Variants in ZNRF3 observed in about 807,000 individuals in gnomAD.
ZNRF3 encodes the protein zinc and ring finger 3.
ZNRF3 carries 23 observed loss-of-function variants against 72.5 expected under a neutral mutation model. That is an observed-to-expected ratio of 0.32 (90% confidence interval 0.23 to 0.45). ZNRF3 has a LOEUF of 0.45. Ranked by LOEUF, ZNRF3 falls within the 20% of genes least tolerant of loss-of-function variation. The pLI is 1.00. For synonymous variants in ZNRF3, 610 were observed against 545.3 expected (o/e 1.12, Z -1.65); for missense variants, 1,169 against 1,272.1 (o/e 0.92, Z 1.23).
Position 29,054,928 on chromosome 22 carries a change from G to A in ZNRF3, c.*1306G>A, listed in dbSNP as rs2037273914. 1 of 152,976 alleles carries A rather than the reference G, an allele frequency of 6.5e-6. No individual in the cohort carries two copies. Among genetic ancestry groups the A allele is most frequent in the South Asian group, 2.1e-4 (1 of 4,824 alleles). 9.5% of individuals were successfully genotyped at this position (152,976 alleles called of 1,614,324 possible). A position where few individuals can be genotyped will look rare whatever the true frequency, so the allele number is the denominator to read the frequency against. The stretch of plus-strand genomic sequence containing the variant: ...GAAATTGCTCATCTCGTCTGCAGAT[G>A]TCTACTATCCTGTCTACCTAATGCA... On this transcript the variant is annotated 3_prime_UTR_variant, in exon 9 of 9. Coordinates refer to ENST00000544604, the MANE Select transcript of ZNRF3 (RefSeq NM_001206998.2).
At chr22:29,009,484 C>T (rs1047812876) in intron 2 of ZNRF3, among the ~76,000 whole-genome samples, 5 of 151,910 alleles carry the variant, frequency 3.3e-5, no homozygotes, top group African/African-American at 9.7e-5. Flanking sequence ...GAGTAGTGCG[C>T]GGTGGAGGGA....
At chr22:28,965,514 C>A (rs1033235816) in intron 1 of ZNRF3, among the ~76,000 whole-genome samples, 16 of 152,198 alleles carry the variant, frequency 1.1e-4, no homozygotes, top group Admixed American at 1.0e-3. Flanking sequence ...GGGTTCTTAA[C>A]CACCCTGCCT....
chr22:28,966,594 T>C (rs1158981219), intron 1 of ZNRF3, among the ~76,000 whole-genome samples: 1 of 152,026 alleles, frequency 6.6e-6, no homozygotes, highest in Non-Finnish European at 1.5e-5. Flanking sequence ...CCTAGGCTAA[T>C]GTGTGTGTCT....
chr22:29,010,545 T>C (rs1305406854), intron 2 of ZNRF3, among the ~76,000 whole-genome samples: 1 of 152,214 alleles, frequency 6.6e-6, no homozygotes, highest in Non-Finnish European at 1.5e-5. Flanking sequence ...TTACTGTAAA[T>C]AATGCTACCA....
At chr22:29,019,981 C>G (rs2036501206) in intron 2 of ZNRF3, among the ~76,000 whole-genome samples, 1 of 151,962 alleles carries the variant, frequency 6.6e-6, no homozygotes, top group Non-Finnish European at 1.5e-5. Context: ...TGTCCCCTCA[C>G]ATTTGTGGGA....
chr22:28,929,344 A>T (rs1012268007), intron 1 of ZNRF3, among the ~76,000 whole-genome samples: 5 of 152,020 alleles, frequency 3.3e-5, no homozygotes, highest in Admixed American at 3.3e-4. Context: ...GAACTGGATA[A>T]TTTTTTTGTT....
At chr22:28,894,158 A>C in intron 1 of ZNRF3, among the ~76,000 whole-genome samples, 1 of 146,904 alleles carries the variant, frequency 6.8e-6, no homozygotes, top group African/African-American at 2.5e-5. Flanking sequence ...GGTTTTTGCC[A>C]TATTGCCAAG....
At chr22:28,889,721 A>G (rs890263474) in intron 1 of ZNRF3, among the ~76,000 whole-genome samples, 1 of 152,232 alleles carries the variant, frequency 6.6e-6, no homozygotes, top group Non-Finnish European at 1.5e-5. Context: ...GGGAGAAGAG[A>G]GAATATAGTC....
At chr22:28,953,831 A>G (rs990139699) in intron 1 of ZNRF3, among the ~76,000 whole-genome samples, 2 of 152,202 alleles carry the variant, frequency 1.3e-5, no homozygotes, top group Admixed American at 1.3e-4. Context: ...TGGAGAGGCC[A>G]TGTAGCATTG....
At chr22:28,928,482 A>G (rs1421294615) in intron 1 of ZNRF3, among the ~76,000 whole-genome samples, 1 of 145,820 alleles carries the variant, frequency 6.9e-6, no homozygotes, top group East Asian at 2.0e-4. Context: ...TGATTGTTCC[A>G]GAAATGTCTT....
intron 1 of ZNRF3, among the ~76,000 whole-genome samples, chr22:28,906,172 T>C (rs955947286): frequency 3.3e-5 from 5 of 152,124 alleles, no homozygotes; most frequent in African/African-American, 1.2e-4. Flanking sequence ...AAAAAGAATT[T>C]AAAAATTAAC....
At chr22:28,896,052 G>A (rs2033988480) in intron 1 of ZNRF3, among the ~76,000 whole-genome samples, 2 of 152,110 alleles carry the variant, frequency 1.3e-5, no homozygotes, top group Non-Finnish European at 2.9e-5. Context: ...CTGGGTTCAA[G>A]CGATTCTCCT....
intron 1 of ZNRF3, among the ~76,000 whole-genome samples, chr22:28,947,625 C>G (rs1302444975): frequency 6.6e-6 from 1 of 152,168 alleles, no homozygotes; most frequent in East Asian, 1.9e-4. Context: ...TGACGTTGAG[C>G]ATCTTTTCAT....
chr22:28,934,553 C>T (rs752548788), intron 1 of ZNRF3, among the ~76,000 whole-genome samples: 1 of 152,186 alleles, frequency 6.6e-6, no homozygotes, highest in Non-Finnish European at 1.5e-5. Context: ...CGCGGTGGCT[C>T]ATTCCTGTAA....
chr22:29,020,763 T>TGTGTGTGTGTGTG (rs1569284145), intron 2 of ZNRF3, among the ~76,000 whole-genome samples: 4 of 66,852 alleles, frequency 6.0e-5, no homozygotes, highest in African/African-American at 1.4e-4. Context: ...GGCTTTGTTT[T>TGTGTGTGTGTGTG]TGTGTGTGTG....
chr22:28,986,411 G>C (rs996455574), intron 1 of ZNRF3, among the ~76,000 whole-genome samples: 2 of 152,170 alleles, frequency 1.3e-5, no homozygotes, highest in Non-Finnish European at 2.9e-5. Context: ...ATAGAACTGT[G>C]AGCACAAACC....
At chr22:28,948,261 C>T (rs549320914) in intron 1 of ZNRF3, among the ~76,000 whole-genome samples, 1 of 151,106 alleles carries the variant, frequency 6.6e-6, no homozygotes, top group African/African-American at 2.4e-5. Flanking sequence ...AATTCCTGGG[C>T]TCAAGTGATC....
chr22:28,995,042 A>G (rs571780391), intron 2 of ZNRF3, among the ~76,000 whole-genome samples: 14 of 152,232 alleles, frequency 9.2e-5, no homozygotes, highest in Non-Finnish European at 2.1e-4. Flanking sequence ...CTTTTGAAGA[A>G]CAACTCCCAA....
At chr22:29,013,891 T>G (rs1458957924) in intron 2 of ZNRF3, among the ~76,000 whole-genome samples, 1 of 152,214 alleles carries the variant, frequency 6.6e-6, no homozygotes, top group African/African-American at 2.4e-5. Context: ...GGGGCAGGCG[T>G]GGAGGCCTGG....
Sources: allele counts gnomAD v4.1 joint callset (sites outside exome capture counted in the v4.1 genomes callset), GRCh38; gene constraint gnomAD v4.1.1; transcripts MANE v1.5; gene names NCBI Gene and HGNC (gene_info 2026-07-23, HGNC 2026-07-21).